The following DDAH1 variants were observed in gnomAD, a reference collection of about 807,000 sequenced individuals.
The protein encoded by DDAH1 is dimethylarginine dimethylaminohydrolase 1.
A neutral mutation model predicts 28.8 loss-of-function variants in DDAH1; 19 were observed. The observed-to-expected ratio is 0.66, with a 90% CI of 0.46 to 0.97. DDAH1 has a LOEUF of 0.97. Ranked by LOEUF, DDAH1 falls within the 50% of genes least tolerant of loss-of-function variation. The probability of loss-of-function intolerance (pLI) is 0.00; values close to 1 mark genes in which losing one functional copy is unlikely to be tolerated. For synonymous variants in DDAH1, 153 were observed against 154.4 expected (o/e 0.99, Z 0.07); for missense variants, 326 against 375.9 (o/e 0.87, Z 1.10).
intron 1 of DDAH1, among the ~76,000 whole-genome samples, chr1:85,391,998 T>TA (rs1651573863): frequency 6.6e-6 from 1 of 152,096 alleles, no homozygotes; most frequent in Non-Finnish European, 1.5e-5. Flanking sequence ...TTATTTTTTT[T>TA]AATTTTTTTT....
chr1:85,550,950 G>A (rs1658771141), intron 1 of DDAH1, among the ~76,000 whole-genome samples: 1 of 152,216 alleles, frequency 6.6e-6, no homozygotes, highest in African/African-American at 2.4e-5. Flanking sequence ...CCCAAGCTCT[G>A]AAACCTTGTG....
intron 1 of DDAH1, among the ~76,000 whole-genome samples, chr1:85,442,433 G>A (rs899182929): frequency 1.3e-5 from 2 of 152,182 alleles, no homozygotes; most frequent in Admixed American, 6.5e-5. Context: ...TATCGTTGAT[G>A]GACATCTGGG....
chr1:85,387,680 T>A (rs1427029871), intron 1 of DDAH1, among the ~76,000 whole-genome samples: 1 of 152,184 alleles, frequency 6.6e-6, no homozygotes, highest in African/African-American at 2.4e-5. Flanking sequence ...ACTCTGTCCA[T>A]TATCCAGTTC....
At chr1:85,403,391 A>C (rs1347222934) in intron 1 of DDAH1, among the ~76,000 whole-genome samples, 1 of 152,096 alleles carries the variant, frequency 6.6e-6, no homozygotes, top group Non-Finnish European at 1.5e-5. Flanking sequence ...CTGTACTTAA[A>C]ATGTACTTGA....
chr1:85,364,539 T>C (rs1649959801), intron 1 of DDAH1, among the ~76,000 whole-genome samples: 1 of 147,002 alleles, frequency 6.8e-6, no homozygotes, highest in Non-Finnish European at 1.5e-5. Flanking sequence ...TGTCCATATG[T>C]GCTGATTACT....
intron 1 of DDAH1, among the ~76,000 whole-genome samples, chr1:85,383,170 T>C (rs1369979334): frequency 6.6e-6 from 1 of 152,238 alleles, no homozygotes; most frequent in African/African-American, 2.4e-5. Flanking sequence ...TGGGAAACCT[T>C]TTGGAAAGGA....
rs1649126586 is a variant in DDAH1 at position 85,350,340 on chromosome 1, C to T, written c.597+75G>A. The T allele has an allele frequency of 2.6e-6, 4 of 1,560,338 alleles. No homozygotes were observed. In the Admixed American group the frequency reaches 5.6e-5, roughly 22 times the overall value. ...CCTGCCAACCCTGCTTGTTACTCCC[C>T]CAGCAGAGAGAATGTGAAAAACCCT... On this transcript the variant is annotated intron_variant, in intron 4 of 5. Coordinates refer to ENST00000284031, the MANE Select transcript of DDAH1 (RefSeq NM_012137.4).
In DDAH1 at chr1:85,371,947, G is replaced by C. The variant is rs144120588; in HGVS notation, c.304-13100C>G. Among the ~76,000 whole-genome samples the C allele has an allele frequency of 4.9e-3, 746 of 152,188 alleles. 2 individuals are homozygous for C. Among genetic ancestry groups the C allele is most frequent in the African/African-American group, 0.017 (715 of 41,526 alleles). ...GACTGTTCTACATTGCCCTGGGTTT[G>C]AGCATGATATGCAAGATGGTTTTTG... On this transcript the variant is annotated intron_variant, in intron 1 of 5. Transcript: ENST00000284031.
intron 4 of DDAH1, among the ~76,000 whole-genome samples, chr1:85,332,922 T>C (rs74096893): frequency 1.2e-4 from 18 of 152,204 alleles, no homozygotes; most frequent in African/African-American, 4.1e-4. Flanking sequence ...CAGCCACCGC[T>C]AATATCAGTG....
intron 1 of DDAH1, among the ~76,000 whole-genome samples, chr1:85,458,542 C>T (rs1413271162): frequency 6.6e-6 from 1 of 151,326 alleles, no homozygotes; most frequent in Non-Finnish European, 1.5e-5. Flanking sequence ...GATTCTCCTG[C>T]CTCAGCCTCC....
intron 1 of DDAH1, among the ~76,000 whole-genome samples, chr1:85,457,625 C>G (rs1654947615): frequency 6.6e-6 from 1 of 152,202 alleles, no homozygotes; most frequent in East Asian, 1.9e-4. Flanking sequence ...TCATGGCACT[C>G]ATAATTAATG....
At chr1:85,500,920 G>T (rs1347923692) in intron 1 of DDAH1, among the ~76,000 whole-genome samples, 3 of 150,776 alleles carry the variant, frequency 2.0e-5, no homozygotes, top group Non-Finnish European at 3.0e-5. Context: ...ATTTCTAGCT[G>T]GTTTTCTTTT....
intron 4 of DDAH1, among the ~76,000 whole-genome samples, chr1:85,336,164 T>C (rs1312072215): frequency 6.6e-6 from 1 of 152,110 alleles, no homozygotes; most frequent in Non-Finnish European, 1.5e-5. Context: ...ACCAAAAATA[T>C]ATGGAACATT....
In DDAH1 at chr1:85,319,822, G is replaced by A. The variant is rs983443031; in HGVS notation, c.*1630C>T. 6.6e-6 allele frequency: 1 copy of A among 151,564 alleles called. No homozygotes were observed. Among genetic ancestry groups the A allele is most frequent in the East Asian group, 1.9e-4 (1 of 5,146 alleles). The allele number at this position is 151,564 out of a possible 1,614,324, so 9.4% of individuals were successfully genotyped here. On this transcript the variant is annotated 3_prime_UTR_variant, in exon 6 of 6. Coordinates refer to ENST00000284031, the MANE Select transcript of DDAH1 (RefSeq NM_012137.4). ...CTGACATAAAATAATCAAATAAAAG[G>A]GAAAGATAGTGGTTAAGGATGTTTT...
intron 1 of DDAH1, among the ~76,000 whole-genome samples, chr1:85,384,443 T>G (rs1414086197): frequency 1.3e-5 from 2 of 152,188 alleles, no homozygotes; most frequent in Non-Finnish European, 2.9e-5. Flanking sequence ...TCCACCTCTG[T>G]GGCCTGAAAA....
chr1:85,512,812 C>CA (rs1432737860), intron 1 of DDAH1, among the ~76,000 whole-genome samples: 1 of 152,158 alleles, frequency 6.6e-6, no homozygotes, highest in Non-Finnish European at 1.5e-5. Context: ...AGGACCTCTT[C>CA]AAGGAGAACT....
chr1:85,394,487 G>A (rs12140457), intron 1 of DDAH1, among the ~76,000 whole-genome samples: 23,837 of 152,112 alleles, frequency 0.16, 2,261 homozygotes, highest in Admixed American at 0.22. Context: ...TATAGCAAAA[G>A]AAAACAGGCT....
At chr1:85,325,574 T>G (rs2300634) in intron 4 of DDAH1, among the ~76,000 whole-genome samples, 1 of 151,486 alleles carries the variant, frequency 6.6e-6, no homozygotes, top group Admixed American at 6.6e-5. Context: ...ACAGATAATT[T>G]TGAGGCAGAG....
intron 1 of DDAH1, among the ~76,000 whole-genome samples, chr1:85,420,238 G>A (rs1291189968): frequency 6.6e-6 from 1 of 152,140 alleles, no homozygotes; most frequent in African/African-American, 2.4e-5. Flanking sequence ...TGCCTTTGAG[G>A]ACTTTTCCCC....
Sources: allele counts gnomAD v4.1 joint callset (sites outside exome capture counted in the v4.1 genomes callset), GRCh38; gene constraint gnomAD v4.1.1; transcripts MANE v1.5; gene names NCBI Gene and HGNC (gene_info 2026-07-23, HGNC 2026-07-21).